ELAVL2: variants seen among roughly 807,000 people sequenced by gnomAD.
The protein encoded by ELAVL2 is ELAV like RNA binding protein 2.
Under a neutral mutation model 34.6 loss-of-function variants are expected in ELAVL2, and 4 were observed. The observed-to-expected ratio is 0.12, with a 90% confidence interval of 0.06 to 0.26. The LOEUF (loss-of-function observed/expected upper bound fraction) is 0.26. ELAVL2 is among the 10% of genes least tolerant of loss of function. The pLI is 1.00. For synonymous variants in ELAVL2, 193 were observed against 154.8 expected, an observed-to-expected ratio of 1.25 and a Z score of -1.83; for missense variants, 432 against 442.8, an observed-to-expected ratio of 0.98 and a Z score of 0.22.
At chr9:23,720,813 G>A (rs886579864) in intron 3 of ELAVL2, among the ~76,000 whole-genome samples, 20 of 152,128 alleles carry the variant, frequency 1.3e-4, no homozygotes, top group African/African-American at 3.9e-4. Flanking sequence ...TGTTTCTCAG[G>A]TCAGGCCACC....
chr9:23,809,057 T>A (rs2062623215), intron 1 of ELAVL2, among the ~76,000 whole-genome samples: 1 of 152,212 alleles, frequency 6.6e-6, no homozygotes, highest in South Asian at 2.1e-4. Flanking sequence ...AGTAAAATGC[T>A]ATTGAGCTTT....
intron 2 of ELAVL2, among the ~76,000 whole-genome samples, chr9:23,750,628 G>C (rs1043933745): frequency 1.2e-4 from 19 of 152,234 alleles, no homozygotes; most frequent in African/African-American, 4.6e-4. Flanking sequence ...TTAGAGGCAG[G>C]ATTTGGGAAG....
intron 1 of ELAVL2, among the ~76,000 whole-genome samples, chr9:23,786,389 A>G (rs1052156098): frequency 6.6e-6 from 1 of 152,202 alleles, no homozygotes; most frequent in Non-Finnish European, 1.5e-5. Flanking sequence ...TTTACAGGAC[A>G]TGAATGACTT....
At chr9:23,702,443 G>C (rs1213353981) in intron 4 of ELAVL2, among the ~76,000 whole-genome samples, 1 of 152,092 alleles carries the variant, frequency 6.6e-6, no homozygotes, top group Non-Finnish European at 1.5e-5. Context: ...AAAAATTGTA[G>C]AGGGAAACCC....
chr9:23,825,647 G>A (rs2065254825), intron 1 of ELAVL2, among the ~76,000 whole-genome samples, 159 bp downstream of exon 1: 1 of 152,174 alleles, frequency 6.6e-6, no homozygotes, highest in Non-Finnish European at 1.5e-5. Flanking sequence ...CCGTCTTTTA[G>A]TCTAGCTCTT....
the ELAVL2 span, among the ~76,000 whole-genome samples, chr9:23,837,677 A>G: frequency 6.6e-6 from 1 of 152,192 alleles, no homozygotes; most frequent in Non-Finnish European, 1.5e-5. Flanking sequence ...GTACTTCCAG[A>G]TGTACAATTT....
chr9:23,823,151 A>C (rs1429114029), intron 1 of ELAVL2, among the ~76,000 whole-genome samples: 2 of 152,222 alleles, frequency 1.3e-5, no homozygotes, highest in African/African-American at 4.8e-5. Flanking sequence ...TCCGATTTGC[A>C]ATTAAATGAC....
intron 1 of ELAVL2, chr9:23,765,176 A>G (rs1180018504): frequency 1.5e-6 from 2 of 1,362,972 alleles, no homozygotes; most frequent in Non-Finnish European, 2.0e-6. Flanking sequence ...CAAAATTTAC[A>G]GTGATTGTAT....
intron 1 of ELAVL2, among the ~76,000 whole-genome samples, chr9:23,770,037 T>C (rs941097868): frequency 6.6e-6 from 1 of 152,240 alleles, no homozygotes; most frequent in Non-Finnish European, 1.5e-5. Flanking sequence ...CATGTTTTGT[T>C]CATTCATCCA....
intron 3 of ELAVL2, among the ~76,000 whole-genome samples, chr9:23,712,423 T>C (rs577964102): frequency 2.0e-5 from 3 of 152,268 alleles, no homozygotes; most frequent in South Asian, 4.1e-4. Flanking sequence ...TATTTTCTTG[T>C]ATACACATAA....
At chr9:23,798,374 T>G (rs1462992400) in intron 1 of ELAVL2, among the ~76,000 whole-genome samples, 1 of 152,198 alleles carries the variant, frequency 6.6e-6, no homozygotes, top group Non-Finnish European at 1.5e-5. Context: ...AGCTCTGTCA[T>G]TTACTGCATC....
At chr9:23,762,320 T>G in intron 1 of ELAVL2, 71 bp from the exon 2 acceptor site, 1 of 1,549,822 alleles carries the variant, frequency 6.5e-7, no homozygotes, top group Non-Finnish European at 8.7e-7. Flanking sequence ...ATCCAAGAAT[T>G]TAAACACTTG....
chr9:23,797,217 A>G (rs1200378113), intron 1 of ELAVL2, among the ~76,000 whole-genome samples: 1 of 152,220 alleles, frequency 6.6e-6, no homozygotes, highest in African/African-American at 2.4e-5. Context: ...CTTAAGCCCA[A>G]AAGTGAACCT....
At chr9:23,729,221 C>T (rs2045964031) in intron 3 of ELAVL2, among the ~76,000 whole-genome samples, 5 of 152,138 alleles carry the variant, frequency 3.3e-5, no homozygotes, top group Admixed American at 2.6e-4. Context: ...GTAATTATTT[C>T]TAGAATGGAG....
At chr9:23,693,541 A>T in intron 5 of ELAVL2, 55 bp from the exon 6 acceptor site, 1 of 1,608,336 alleles carries the variant, frequency 6.2e-7, no homozygotes, top group Non-Finnish European at 8.5e-7. Flanking sequence ...CTTGATGTTC[A>T]AGAAAGTTGG....
At chr9:23,774,409 T>A (rs1252935412) in intron 1 of ELAVL2, among the ~76,000 whole-genome samples, 1 of 152,048 alleles carries the variant, frequency 6.6e-6, no homozygotes, top group Non-Finnish European at 1.5e-5. Context: ...CTTTTCCTAA[T>A]CATGACTGTT....
intron 1 of ELAVL2, among the ~76,000 whole-genome samples, chr9:23,781,428 C>T (rs1383953735): frequency 1.3e-5 from 2 of 151,994 alleles, no homozygotes; most frequent in African/African-American, 4.8e-5. Flanking sequence ...AGGAATTCTA[C>T]AATATACTAC....
intron 3 of ELAVL2, among the ~76,000 whole-genome samples, chr9:23,718,596 A>G (rs1234783122): frequency 6.6e-6 from 1 of 152,240 alleles, no homozygotes; most frequent in African/African-American, 2.4e-5. Context: ...AAGCAAGGAA[A>G]AAGAATAACA....
chr9:23,816,329 AAAAAAAAAAAAAAAAAAG>A lies in ELAVL2; in HGVS notation c.-16+9459_-16+9476del, dbSNP rs902199268. ...TAAAAGCTTTCAGTAAAAAAAAAAA[AAAAAAAAAAAAAAAAAAG>A]GGGATAAAAATCCATCTTGAAGGAA... is the stretch of plus-strand genomic sequence containing the variant. On this transcript the variant is annotated intron_variant, in intron 1 of 6. Transcript: ENST00000397312. Among the ~76,000 whole-genome samples, 7 of 148,400 alleles carry A rather than the reference AAAAAAAAAAAAAAAAAAG, an allele frequency of 4.7e-5. No homozygotes were observed. In the South Asian group the frequency reaches 6.3e-4, roughly 13 times the overall value.
Sources: gnomAD v4.1 joint callset for allele counts (sites outside exome capture counted in the v4.1 genomes callset) on GRCh38, gnomAD v4.1.1 for gene constraint, MANE v1.5 for transcripts, NCBI Gene and HGNC (gene_info 2026-07-23, HGNC 2026-07-21) for gene names.